The following DLG2 variants were observed in gnomAD, a reference collection of about 807,000 sequenced individuals.
The protein encoded by DLG2 is discs large MAGUK scaffold protein 2, also known as disks large homolog 2.
Under a neutral mutation model 132.5 loss-of-function variants are expected in DLG2, and 45 were observed. That is an observed-to-expected ratio of 0.34 (90% CI 0.27 to 0.44). The LOEUF is 0.44. Ranked by LOEUF, DLG2 falls within the 20% of genes least tolerant of loss-of-function variation. The pLI is 1.00. For synonymous variants in DLG2, 424 were observed against 419.6 expected, an observed-to-expected ratio of 1.01 and a Z score of -0.13; for missense variants, 1,045 against 1,196.9, an observed-to-expected ratio of 0.87 and a Z score of 1.87.
At chr11:85,049,163 T>C (rs542059902) in intron 6 of DLG2, among the ~76,000 whole-genome samples, 8 of 152,144 alleles carry the variant, frequency 5.3e-5, no homozygotes, top group Middle Eastern at 3.4e-3. Flanking sequence ...TCAAAGTTCA[T>C]AGACTTAGGG....
At chr11:84,055,948 C>A (rs2096490788) in intron 11 of DLG2, among the ~76,000 whole-genome samples, 1 of 152,074 alleles carries the variant, frequency 6.6e-6, no homozygotes, top group South Asian at 2.1e-4. Flanking sequence ...ATCTAGATAA[C>A]TCTGTATTAT....
intron 6 of DLG2, among the ~76,000 whole-genome samples, chr11:84,710,797 T>TAC (rs200323953): frequency 1.4e-4 from 21 of 150,066 alleles, no homozygotes; most frequent in East Asian, 5.9e-4. Flanking sequence ...TATTAGGAAT[T>TAC]ACACACACAC....
intron 8 of DLG2, among the ~76,000 whole-genome samples, chr11:84,178,773 A>G (rs535917425): frequency 1.5e-4 from 23 of 152,272 alleles, no homozygotes; most frequent in Non-Finnish European, 2.6e-4. Flanking sequence ...CTCATCAGAG[A>G]CATCAGTAGC....
chr11:83,746,664 C>T (rs1044115024), intron 18 of DLG2, among the ~76,000 whole-genome samples: 3 of 152,016 alleles, frequency 2.0e-5, no homozygotes, highest in African/African-American at 7.2e-5. Context: ...CAAAATGGCA[C>T]ATGTATACAT....
At chr11:83,920,348 T>A (rs920848630) in intron 15 of DLG2, among the ~76,000 whole-genome samples, 2 of 91,226 alleles carry the variant, frequency 2.2e-5, no homozygotes, top group African/African-American at 9.3e-5. Flanking sequence ...AGGTTTATTT[T>A]CTCTTCTCTG....
chr11:84,231,695 T>C (rs2097095912), intron 8 of DLG2, among the ~76,000 whole-genome samples: 1 of 152,174 alleles, frequency 6.6e-6, no homozygotes, highest in South Asian at 2.1e-4. Context: ...TTATATTTTA[T>C]GAGTCAATGC....
intron 22 of DLG2, among the ~76,000 whole-genome samples, chr11:83,479,644 T>C (rs188017795): frequency 7.0e-4 from 106 of 152,166 alleles, no homozygotes; most frequent in African/African-American, 2.4e-3. Flanking sequence ...GTGATCGGTG[T>C]TTGGTGGATA....
rs1433751229 is a variant in DLG2 at position 85,620,512 on chromosome 11, C to G, written c.-93+6075G>C. Among the ~76,000 whole-genome samples the G allele has an allele frequency of 2.0e-5, 3 of 152,254 alleles. No individual in the cohort carries two copies. The East Asian group carries it at 5.8e-4, about 29-fold the overall frequency. On this transcript the variant is annotated intron_variant, in intron 2 of 27. Transcript: ENST00000376104. ...CAAAAGCTAGGCAGCCCTCTTGCACCAAATAGCCAAGTTGTGAATGCAAAG... is the reference window on the plus strand; with the variant it reads ...CAAAAGCTAGGCAGCCCTCTTGCACGAAATAGCCAAGTTGTGAATGCAAAG...
At chr11:84,324,886 T>C (rs1399618005) in intron 7 of DLG2, among the ~76,000 whole-genome samples, 1 of 152,188 alleles carries the variant, frequency 6.6e-6, no homozygotes, top group Non-Finnish European at 1.5e-5. Flanking sequence ...ATAATTTTGT[T>C]GAATTTTTAA....
chr11:85,282,766 C>T (rs559758744), intron 4 of DLG2, among the ~76,000 whole-genome samples: 93 of 151,970 alleles, frequency 6.1e-4, no homozygotes, highest in African/African-American at 2.1e-3. Context: ...TATGTTCTTT[C>T]GTAATGACAC....
chr11:84,723,561 C>T (rs925001258), intron 6 of DLG2, among the ~76,000 whole-genome samples: 10 of 152,036 alleles, frequency 6.6e-5, no homozygotes, highest in African/African-American at 2.4e-4. Flanking sequence ...AAAGTGGTTT[C>T]CATGACAATG....
intron 3 of DLG2, among the ~76,000 whole-genome samples, chr11:85,577,954 C>T (rs1442926669): frequency 1.3e-5 from 2 of 152,068 alleles, no homozygotes; most frequent in African/African-American, 4.8e-5. Flanking sequence ...GCAAAAAGAA[C>T]AAAACTGGAG....
intron 8 of DLG2, among the ~76,000 whole-genome samples, chr11:84,202,279 A>G (rs2096605999): frequency 6.6e-6 from 1 of 152,156 alleles, no homozygotes; most frequent in Non-Finnish European, 1.5e-5. Context: ...CACATAGACC[A>G]ATGGAACAGC....
chr11:83,897,229 T>C (rs568175470), intron 15 of DLG2, among the ~76,000 whole-genome samples: 4 of 152,344 alleles, frequency 2.6e-5, no homozygotes, highest in South Asian at 4.1e-4. Flanking sequence ...TTACTGTTAA[T>C]TGGCTTTGGT....
In DLG2 at chr11:83,694,428, T is replaced by G. The variant is rs561908701; in HGVS notation, c.1826-61103A>C. Among the ~76,000 whole-genome samples the G allele has an allele frequency of 5.3e-5, 8 of 152,148 alleles. No individual in the cohort carries two copies. The East Asian group carries it at 1.3e-3, about 26-fold the overall frequency. On this transcript the variant is annotated intron_variant, in intron 18 of 27. Coordinates refer to ENST00000376104, the MANE Select transcript of DLG2 (RefSeq NM_001142699.3). ...TAGCCTGCCTGAACATGATTCACAG[T>G]CATTCATGGACTCAGACCTCATAGA...
intron 9 of DLG2, among the ~76,000 whole-genome samples, chr11:84,108,966 C>T (rs1288487588): frequency 2.6e-5 from 4 of 152,028 alleles, no homozygotes; most frequent in Non-Finnish European, 5.9e-5. Context: ...CATAGCTGGA[C>T]AGGGATGCTG....
chr11:85,104,872 CAAAAAAAAAAAAAAA>C (rs56043190), intron 6 of DLG2, among the ~76,000 whole-genome samples: 12 of 56,054 alleles, frequency 2.1e-4, no homozygotes, highest in Non-Finnish European at 3.5e-4. Context: ...GGCTGAATGG[CAAAAAAAAAAAAAAA>C]AAAAAAAAAA....
intron 4 of DLG2, among the ~76,000 whole-genome samples, chr11:85,221,329 T>A (rs2074632294): frequency 6.6e-6 from 1 of 152,098 alleles, no homozygotes; most frequent in South Asian, 2.1e-4. Flanking sequence ...AGTGCTGGGA[T>A]TACAGACATG....
At chr11:85,040,951 A>C (rs2061810247) in intron 6 of DLG2, among the ~76,000 whole-genome samples, 1 of 151,862 alleles carries the variant, frequency 6.6e-6, no homozygotes, top group African/African-American at 2.4e-5. Context: ...ACCACTTTCC[A>C]GTTAGTAATA....
Sources: gnomAD v4.1 joint callset for allele counts (sites outside exome capture counted in the v4.1 genomes callset) on GRCh38, gnomAD v4.1.1 for gene constraint, MANE v1.5 for transcripts, NCBI Gene and HGNC (gene_info 2026-07-23, HGNC 2026-07-21) for gene names.